Variants in MACF1 observed in about 807,000 individuals in gnomAD.
The protein encoded by MACF1 is microtubule actin crosslinking factor 1.
MACF1 carries 193 observed loss-of-function variants against 854.8 expected under a neutral mutation model. The observed-to-expected ratio is 0.23, with a 90% CI of 0.20 to 0.25. The LOEUF (loss-of-function observed/expected upper bound fraction) is 0.25. MACF1 is among the 10% of genes least tolerant of loss of function. The pLI, the probability that MACF1 is intolerant of heterozygous loss-of-function variation, is 1.00. For missense variants in MACF1, 7,722 were observed against 8,929.1 expected (o/e 0.86, Z 5.45); for synonymous variants, 3,185 against 3,226.7 (o/e 0.99, Z 0.44).
chr1:39,155,451 T>G (rs956019059), intron 2 of MACF1, among the ~76,000 whole-genome samples: 1 of 152,218 alleles, frequency 6.6e-6, no homozygotes, highest in South Asian at 2.1e-4. Flanking sequence ...GAACCAGCTC[T>G]TCTTTAGCTG....
chr1:39,244,007 A>G (rs1644953200), intron 2 of MACF1, among the ~76,000 whole-genome samples: 1 of 151,658 alleles, frequency 6.6e-6, no homozygotes, highest in African/African-American at 2.4e-5. Flanking sequence ...TTCTTTATTG[A>G]CAGTTTTCCA....
At chr1:39,115,879 G>T (rs1642531829) in intron 2 of MACF1, among the ~76,000 whole-genome samples, 1 of 152,208 alleles carries the variant, frequency 6.6e-6, no homozygotes, top group East Asian at 1.9e-4. Flanking sequence ...GACACACATT[G>T]TAGATTATGC....
intron 2 of MACF1, among the ~76,000 whole-genome samples, chr1:39,168,493 T>TTG (rs1295631967): frequency 1.3e-5 from 2 of 152,098 alleles, no homozygotes; most frequent in African/African-American, 4.8e-5. Context: ...TATATGTTTT[T>TTG]TGTGTGTGTG....
chr1:39,419,237 T>C (rs180752893), intron 58 of MACF1, among the ~76,000 whole-genome samples: 20 of 152,360 alleles, frequency 1.3e-4, no homozygotes, highest in Admixed American at 1.0e-3. Context: ...TGAGAAATGA[T>C]ACAAATACCC....
At chr1:39,202,634 C>CA (rs150582591), upstream of MACF1, among the ~76,000 whole-genome samples, 164 of 140,588 alleles carry the variant, frequency 1.2e-3, no homozygotes, top group Middle Eastern at 3.6e-3. Flanking sequence ...GACTCTGTCT[C>CA]AAAAAAAAAA....
intron 2 of MACF1, among the ~76,000 whole-genome samples, chr1:39,134,794 T>A (rs1355440455): frequency 1.3e-5 from 2 of 152,194 alleles, no homozygotes; most frequent in South Asian, 4.1e-4. Flanking sequence ...TACACTAATA[T>A]AACATTTAGC....
In MACF1 at chr1:39,289,693, C is replaced by CTTTTTTTTTTTTTTTTTTTTTTTTTTTT. The variant is rs58188740; in HGVS notation, c.1785+2136_1785+2163dup. Among the ~76,000 whole-genome samples, 4 of 28,966 alleles carry CTTTTTTTTTTTTTTTTTTTTTTTTTTTT rather than the reference C, an allele frequency of 1.4e-4. 2 individuals carry two copies. The highest frequency in any genetic ancestry group is 2.4e-4 in the Non-Finnish European group (4 of 16,774). 19.0% of individuals were successfully genotyped at this position (28,966 alleles called of 152,430 possible). ...ATTTTCTCCCATTCTGTGGGTTGTC[C>CTTTTTTTTTTTTTTTTTTTTTTTTTTTT]TTTTTTTTTTTTTTTTTTTTTTTTT... On this transcript the variant is annotated intron_variant, in intron 15 of 100. Transcript: ENST00000564288.
rs1274396968 is a variant in MACF1 at position 39,388,620 on chromosome 1, G to A, written c.15778G>A (p.Glu5260Lys). 1.4e-5 allele frequency: 22 copies of A among 1,585,068 alleles called. No homozygotes were observed. The highest frequency in any genetic ancestry group is 5.6e-5 in the Admixed American group (3 of 53,486). ...GGCCCTCCAGTGGGTAGTGGGGACC[G>A]AAGTGGAAATCATCAACCAACAATT... Reference protein sequence around the residue: ...AEALQWVVGTEVEIINQQLAD... With the variant: ...AEALQWVVGTKVEIINQQLAD... The change falls in exon 58 of 101, where the codon GAA becomes AAA. Residue 5260 changes from glutamate (E) to lysine (K), a missense_variant. Glu to Lys is a moderately conservative substitution (Grantham distance 56). This residue lies in a region of MACF1 where 2,807 missense variants were observed against 3,235.8 expected (regional missense o/e 0.87). Coordinates refer to ENST00000564288, the MANE Select transcript of MACF1 (RefSeq NM_001394062.1).
chr1:39,152,318 G>A (rs568125308), intron 2 of MACF1, among the ~76,000 whole-genome samples: 1 of 152,114 alleles, frequency 6.6e-6, no homozygotes, highest in African/African-American at 2.4e-5. Flanking sequence ...GTGAATTGCT[G>A]TTTCAAAAGG....
intron 58 of MACF1, among the ~76,000 whole-genome samples, chr1:39,418,661 A>C (rs1484547831): frequency 6.6e-6 from 1 of 152,194 alleles, no homozygotes; most frequent in South Asian, 2.1e-4. Context: ...TCAGGAGTTC[A>C]AGACCAGCCT....
At chr1:39,477,129 TATATATAC>T (rs1463372009) in intron 97 of MACF1, among the ~76,000 whole-genome samples, 1 of 30,334 alleles carries the variant, frequency 3.3e-5, no homozygotes, top group Non-Finnish European at 6.5e-5. Context: ...TATATATATA[TATATATAC>T]ACACACACAC....
chr1:39,112,910 G>A (rs754606349), intron 2 of MACF1, among the ~76,000 whole-genome samples: 5 of 151,828 alleles, frequency 3.3e-5, no homozygotes, highest in Non-Finnish European at 7.4e-5. Context: ...TTGAGTCCAG[G>A]AGTTTGAGGC....
intron 90 of MACF1, 114 bp from the exon 91 acceptor site, chr1:39,458,972 T>G: frequency 1.1e-6 from 1 of 951,886 alleles, no homozygotes; most frequent in Non-Finnish European, 1.6e-6. Context: ...CCGTATTTCT[T>G]TTCTCAGTTA....
At chr1:39,167,885 AAAGAG>A (rs1274292234) in intron 2 of MACF1, among the ~76,000 whole-genome samples, 4 of 118,824 alleles carry the variant, frequency 3.4e-5, no homozygotes, top group African/African-American at 6.8e-5. Flanking sequence ...AAAAAAAAAA[AAAGAG>A]AGAGAGAGAA....
intron 58 of MACF1, chr1:39,412,284 T>C: frequency 6.2e-7 from 1 of 1,614,014 alleles, no homozygotes; most frequent in African/African-American, 1.3e-5. Context: ...AGGTGTTATA[T>C]GAATCAAATT....
At chr1:39,467,882 A>G (rs1005995275) in intron 95 of MACF1, 1 of 152,150 alleles carries the variant, frequency 6.6e-6, no homozygotes, top group African/African-American at 2.4e-5. Flanking sequence ...AGTATTCACT[A>G]TTTTCCATTT....
At chr1:39,234,681 C>T (rs1265518847) in intron 2 of MACF1, among the ~76,000 whole-genome samples, 2 of 122,332 alleles carry the variant, frequency 1.6e-5, no homozygotes, top group Admixed American at 8.2e-5. Context: ...GGGTGGCTGT[C>T]GGGCGGAGAC....
At chr1:39,434,360 A>T (rs1643926558) in intron 68 of MACF1, 54 bp from the exon 69 acceptor site, 11 of 1,061,472 alleles carry the variant, frequency 1.0e-5, no homozygotes, top group Admixed American at 6.9e-5. Flanking sequence ...TTTTTTTCTT[A>T]AGAGTTTATA....
At chr1:39,391,974 T>TGGGAGAA (rs1334115134) in intron 58 of MACF1, among the ~76,000 whole-genome samples, 1 of 151,112 alleles carries the variant, frequency 6.6e-6, no homozygotes, top group East Asian at 1.9e-4. Flanking sequence ...GGAAGAAGAG[T>TGGGAGAA]GGGAGAAGGG....
Sources: allele counts gnomAD v4.1 joint callset (sites outside exome capture counted in the v4.1 genomes callset), GRCh38; gene constraint gnomAD v4.1.1; regional missense constraint gnomAD v4.1.1; transcripts MANE v1.5; gene names NCBI Gene and HGNC (gene_info 2026-07-23, HGNC 2026-07-21).